The following TTC39B variants were observed in gnomAD, a reference collection of about 807,000 sequenced individuals.
TTC39B encodes the protein tetratricopeptide repeat domain 39B.
Under a neutral mutation model 96.6 loss-of-function variants are expected in TTC39B, and 92 were observed. The observed-to-expected ratio is 0.95, with a 90% confidence interval of 0.80 to 1.13. The LOEUF (loss-of-function observed/expected upper bound fraction) is 1.13. Among genes scored for constraint, TTC39B ranks in the 50% most tolerant of loss-of-function variants. The pLI, the probability that TTC39B is intolerant of heterozygous loss-of-function variation, is 0.00. For synonymous variants in TTC39B, 367 were observed against 299.4 expected (o/e 1.23, Z -2.33); for missense variants, 955 against 809.3 (o/e 1.18, Z -2.18).
At chr9:15,269,071 C>T (rs1823241708) in intron 1 of TTC39B, among the ~76,000 whole-genome samples, 1 of 152,164 alleles carries the variant, frequency 6.6e-6, no homozygotes, top group African/African-American at 2.4e-5. Context: ...CTTATAATGT[C>T]CTTTGCTCAA....
exon 20 of TTC39B, chr9:15,166,455 T>C (rs920662170): frequency 1.3e-5 from 2 of 152,244 alleles, no homozygotes; most frequent in African/African-American, 4.8e-5. Context: ...TAAACAGTCC[T>C]TGCATCATTT....
intron 2 of TTC39B, among the ~76,000 whole-genome samples, chr9:15,251,771 T>TTTG (rs1456780910): frequency 6.8e-6 from 1 of 146,136 alleles, no homozygotes; most frequent in Non-Finnish European, 1.5e-5. Context: ...CAGCTAAATG[T>TTTG]ATTTTTGATA....
At chr9:15,278,072 G>A (rs1374307207) in intron 1 of TTC39B, among the ~76,000 whole-genome samples, 1 of 152,126 alleles carries the variant, frequency 6.6e-6, no homozygotes, top group African/African-American at 2.4e-5. Context: ...AGCTAAAAAA[G>A]AAATGAAAAG....
chr9:15,285,081 GA>G (rs974070659), intron 1 of TTC39B, among the ~76,000 whole-genome samples: 25 of 152,128 alleles, frequency 1.6e-4, no homozygotes, highest in African/African-American at 5.8e-4. Flanking sequence ...CTAACACGGT[GA>G]AACCCCGTCT....
chr9:15,283,502 T>C (rs1823843807), intron 1 of TTC39B, among the ~76,000 whole-genome samples: 1 of 152,102 alleles, frequency 6.6e-6, no homozygotes, highest in Admixed American at 6.5e-5. Flanking sequence ...TTTGATTCCA[T>C]AGCCTGAGTT....
intron 2 of TTC39B, among the ~76,000 whole-genome samples, chr9:15,237,366 C>A (rs150682298): frequency 7.2e-5 from 11 of 151,964 alleles, no homozygotes; most frequent in African/African-American, 2.7e-4. Context: ...AAAGGATAAA[C>A]CAATTGGCAG....
chr9:15,176,813 T>G (rs1817964760), intron 18 of TTC39B, among the ~76,000 whole-genome samples: 3 of 152,134 alleles, frequency 2.0e-5, no homozygotes, highest in African/African-American at 7.2e-5. Context: ...GCCGGCCTTA[T>G]TAAGTAAGGT....
chr9:15,259,092 C>A (rs1563769811), intron 2 of TTC39B, among the ~76,000 whole-genome samples: 1 of 152,124 alleles, frequency 6.6e-6, no homozygotes, highest in African/African-American at 2.4e-5. Context: ...ACCAGGAATG[C>A]TGTTTACCTT....
chr9:15,252,822 T>C (rs2131512000), intron 2 of TTC39B, among the ~76,000 whole-genome samples: 1 of 152,348 alleles, frequency 6.6e-6, no homozygotes, highest in Admixed American at 6.5e-5. Context: ...CTACTACATT[T>C]TCTAGTTTTC....
At chr9:15,243,197 A>T (rs773273296) in intron 2 of TTC39B, among the ~76,000 whole-genome samples, 48 of 152,214 alleles carry the variant, frequency 3.2e-4, no homozygotes, top group Admixed American at 8.5e-4. Flanking sequence ...AGGAAGATAT[A>T]AGCCTGATAC....
rs115693181 is a variant in TTC39B at position 15,179,266 on chromosome 9, A to G, written c.1724-1452T>C. Among the ~76,000 whole-genome samples the G allele has an allele frequency of 8.8e-3, 1,336 of 152,342 alleles. 19 individuals carry two copies. The highest frequency in any genetic ancestry group is 0.031 in the African/African-American group (1,278 of 41,586). On this transcript the variant is annotated intron_variant, in intron 17 of 19. Transcript: ENST00000512701. The stretch of plus-strand genomic sequence containing the variant: ...TTTACACATTTCAGGCTGTGACAGT[A>G]GAGAGGACGGCAGTAAAGGGAACAT...
intron 15 of TTC39B, 97 bp downstream of exon 15, chr9:15,186,847 C>T: frequency 9.0e-7 from 1 of 1,105,888 alleles, no homozygotes; most frequent in Non-Finnish European, 1.4e-6. Context: ...AAGCACATGC[C>T]ACCAGGCCCA....
chr9:15,265,426 C>A (rs2131545595), intron 2 of TTC39B, among the ~76,000 whole-genome samples: 1 of 152,314 alleles, frequency 6.6e-6, no homozygotes, highest in East Asian at 1.9e-4. Context: ...GCAGTGTCTC[C>A]TCTGGTGAAC....
At position 15,203,899 on chromosome 9, in the gene TTC39B, A is replaced by C; in HGVS notation, c.692-9T>G. 4 of 1,610,676 alleles carry C rather than the reference A, an allele frequency of 2.5e-6. No individual in the cohort carries two copies. Among genetic ancestry groups the C allele is most frequent in the Non-Finnish European group, 3.4e-6 (4 of 1,178,244 alleles). ...TTCAGCATGCATTTCCTCTACAAAA[A>C]ACAAATAAAATTATATTAAGTAAAA... On this transcript the variant is annotated splice_polypyrimidine_tract_variant and intron_variant, in intron 6 of 19. Transcript: ENST00000512701.
chr9:15,259,189 C>G (rs952162185), intron 2 of TTC39B, among the ~76,000 whole-genome samples: 1 of 152,118 alleles, frequency 6.6e-6, no homozygotes, highest in Non-Finnish European at 1.5e-5. Context: ...ATCCCTAACC[C>G]CAAGATACAT....
chr9:15,226,843 T>A (rs1821148336), intron 2 of TTC39B, among the ~76,000 whole-genome samples: 1 of 152,106 alleles, frequency 6.6e-6, no homozygotes, highest in African/African-American at 2.4e-5. Context: ...AGTCCTGCCC[T>A]GTATTACAAT....
chr9:15,214,716 T>C (rs1000146415), intron 3 of TTC39B, among the ~76,000 whole-genome samples: 3 of 152,252 alleles, frequency 2.0e-5, no homozygotes, highest in Admixed American at 1.3e-4. Context: ...GAACCTGTTA[T>C]AACATCTGCC....
chr9:15,200,731 T>C (rs1021867201), intron 7 of TTC39B, among the ~76,000 whole-genome samples: 1 of 152,256 alleles, frequency 6.6e-6, no homozygotes, highest in African/African-American at 2.4e-5. Context: ...CTGGGCGTGG[T>C]GGCTCACGCC....
chr9:15,209,264 T>C (rs1820050742), intron 6 of TTC39B, among the ~76,000 whole-genome samples: 1 of 152,206 alleles, frequency 6.6e-6, no homozygotes, highest in Non-Finnish European at 1.5e-5. Context: ...ATGAACCTTC[T>C]GCCCTAGTCC....
Sources: allele counts gnomAD v4.1 joint callset (sites outside exome capture counted in the v4.1 genomes callset), GRCh38; gene constraint gnomAD v4.1.1; transcripts MANE v1.5; gene names NCBI Gene and HGNC (gene_info 2026-07-23, HGNC 2026-07-21).